FHIT: variants seen among roughly 807,000 people sequenced by gnomAD.
The protein encoded by FHIT is bis(5'-adenosyl)-triphosphatase.
A neutral mutation model predicts 17.9 loss-of-function variants in FHIT; 19 were observed. The ratio of observed to expected loss-of-function variants is 1.06; its 90% CI spans 0.74 to 1.56. The LOEUF (loss-of-function observed/expected upper bound fraction) is 1.56, where lower values mean the gene tolerates loss of function less well. FHIT is among the 40% of genes most tolerant of loss of function. FHIT has a pLI of 0.00. For synonymous variants in FHIT, 81 were observed against 69.7 expected (o/e 1.16, Z -0.81); for missense variants, 248 against 189.2 (o/e 1.31, Z -1.82).
intron 5 of FHIT, among the ~76,000 whole-genome samples, chr3:60,250,459 C>T (rs1474676862): frequency 6.6e-6 from 1 of 152,156 alleles, no homozygotes; most frequent in Non-Finnish European, 1.5e-5. Flanking sequence ...CAGAAAAGTA[C>T]AAAACATCTG....
Position 60,923,811 on chromosome 3 carries a change from A to T in FHIT, c.-110-101800T>A, listed in dbSNP as rs183128869. On this transcript the variant is annotated intron_variant, in intron 3 of 9. Coordinates refer to ENST00000492590, the MANE Select transcript of FHIT (RefSeq NM_002012.4). ...GGTCAGAGAATTCCCTTTCCTAGTC[A>T]AAGAAAGGGGTGACAGACGGCACCT... 3.9e-5 allele frequency among the ~76,000 whole-genome samples: 6 copies of T among 152,266 alleles called. No homozygotes were observed. In the East Asian group the frequency reaches 1.2e-3, roughly 29 times the overall value.
At chr3:61,140,919 G>A (rs1015223639) in intron 2 of FHIT, among the ~76,000 whole-genome samples, 4 of 152,102 alleles carry the variant, frequency 2.6e-5, no homozygotes, top group Non-Finnish European at 5.9e-5. Flanking sequence ...GAATACATAC[G>A]GAATCTGGTT....
intron 8 of FHIT, among the ~76,000 whole-genome samples, chr3:59,880,968 T>G (rs1025090685): frequency 1.3e-5 from 2 of 152,162 alleles, no homozygotes; most frequent in Admixed American, 1.3e-4. Context: ...TTGAGGGCAC[T>G]TGGAATAGCA....
chr3:60,164,002 C>T (rs1701049674), intron 5 of FHIT, among the ~76,000 whole-genome samples: 2 of 152,184 alleles, frequency 1.3e-5, no homozygotes, highest in Admixed American at 1.3e-4. Flanking sequence ...TCTGCTCACC[C>T]TCAAATGTCC....
intron 5 of FHIT, among the ~76,000 whole-genome samples, chr3:60,090,848 T>C (rs1403674313): frequency 6.6e-6 from 1 of 152,184 alleles, no homozygotes; most frequent in Non-Finnish European, 1.5e-5. Flanking sequence ...AAAGAAGATC[T>C]GTTGTCTGAG....
At chr3:60,050,867 G>A (rs1361171544) in intron 5 of FHIT, among the ~76,000 whole-genome samples, 1 of 152,152 alleles carries the variant, frequency 6.6e-6, no homozygotes, top group Non-Finnish European at 1.5e-5. Flanking sequence ...ACTCAGAGAA[G>A]AGAATGTGGT....
intron 8 of FHIT, among the ~76,000 whole-genome samples, chr3:59,809,123 G>T (rs557504428): frequency 6.6e-6 from 1 of 152,318 alleles, no homozygotes; most frequent in African/African-American, 2.4e-5. Flanking sequence ...ATACTGGGTT[G>T]AAGAGTGTGC....
At chr3:60,537,563 C>T (rs1042385020) in intron 4 of FHIT, 1 of 579,452 alleles carries the variant, frequency 1.7e-6, no homozygotes, top group Non-Finnish European at 2.2e-6. Flanking sequence ...AGGAGCAAAA[C>T]GGAGTTCAAA....
intron 3 of FHIT, among the ~76,000 whole-genome samples, chr3:60,824,998 G>A (rs1702064259): frequency 6.6e-6 from 1 of 152,140 alleles, no homozygotes; most frequent in Non-Finnish European, 1.5e-5. Flanking sequence ...AAAATAATGG[G>A]ATTCTACTTT....
At chr3:60,931,025 T>G (rs1367902853) in intron 3 of FHIT, among the ~76,000 whole-genome samples, 1 of 152,224 alleles carries the variant, frequency 6.6e-6, no homozygotes, top group Non-Finnish European at 1.5e-5. Context: ...CATGGAATAC[T>G]ATGCAGCCAT....
chr3:60,368,326 C>T (rs1331153054), intron 5 of FHIT, among the ~76,000 whole-genome samples: 3 of 151,638 alleles, frequency 2.0e-5, no homozygotes, highest in Non-Finnish European at 4.4e-5. Flanking sequence ...AATTTTAGCT[C>T]TTCAAGTGGA....
At chr3:59,933,928 A>G (rs1183793134) in intron 7 of FHIT, among the ~76,000 whole-genome samples, 1 of 152,168 alleles carries the variant, frequency 6.6e-6, no homozygotes, top group African/African-American at 2.4e-5. Flanking sequence ...ATCTATCAAT[A>G]CCTTTCATGA....
intron 3 of FHIT, among the ~76,000 whole-genome samples, chr3:60,822,784 A>G (rs782623187): frequency 6.6e-6 from 1 of 152,130 alleles, no homozygotes; most frequent in Non-Finnish European, 1.5e-5. Flanking sequence ...ACTTGCAGGG[A>G]TAACCCCAAA....
chr3:61,129,101 T>C (rs1381546066), intron 2 of FHIT, among the ~76,000 whole-genome samples: 1 of 152,184 alleles, frequency 6.6e-6, no homozygotes, highest in African/African-American at 2.4e-5. Flanking sequence ...AAATAAACAA[T>C]GTCCTTGAGT....
chr3:60,252,091 G>A (rs1003823432), intron 5 of FHIT, among the ~76,000 whole-genome samples: 9 of 152,144 alleles, frequency 5.9e-5, no homozygotes, highest in African/African-American at 2.2e-4. Context: ...TTGGCTGTAT[G>A]ACAAAATATG....
chr3:61,100,976 T>C (rs1428861927), intron 2 of FHIT, among the ~76,000 whole-genome samples: 2 of 152,214 alleles, frequency 1.3e-5, no homozygotes, highest in Admixed American at 6.5e-5. Context: ...GTCAGATGAA[T>C]AGATTGCAAA....
At chr3:59,942,188 C>T (rs774119619) in intron 7 of FHIT, among the ~76,000 whole-genome samples, 5 of 152,176 alleles carry the variant, frequency 3.3e-5, no homozygotes, top group Non-Finnish European at 5.9e-5. Flanking sequence ...AACCTTTCAC[C>T]GTATCTTGCT....
chr3:60,476,239 G>C (rs2033338202), intron 5 of FHIT, among the ~76,000 whole-genome samples: 1 of 152,132 alleles, frequency 6.6e-6, no homozygotes, highest in Admixed American at 6.5e-5. Context: ...GTATGAGACA[G>C]AAAAATAGAG....
intron 8 of FHIT, among the ~76,000 whole-genome samples, chr3:59,830,961 T>TC: frequency 6.6e-6 from 1 of 152,346 alleles, no homozygotes; most frequent in South Asian, 2.1e-4. Context: ...TTGCTGGTAT[T>TC]TAAGACCAGG....
Sources: allele counts gnomAD v4.1 joint callset (sites outside exome capture counted in the v4.1 genomes callset), GRCh38; gene constraint gnomAD v4.1.1; transcripts MANE v1.5; gene names NCBI Gene and HGNC (gene_info 2026-07-23, HGNC 2026-07-21).